COL6A2: variants seen among roughly 807,000 people sequenced by gnomAD.
COL6A2 encodes collagen alpha-2(VI) chain.
Under a neutral mutation model 124.9 loss-of-function variants are expected in COL6A2, and 90 were observed. The observed-to-expected ratio is 0.72, with a 90% CI of 0.61 to 0.86. COL6A2 has a LOEUF of 0.86. Ranked by LOEUF, COL6A2 falls within the 40% of genes least tolerant of loss-of-function variation. The pLI is 0.00. For synonymous variants in COL6A2, 793 were observed against 618.2 expected (o/e 1.28, Z -4.19); for missense variants, 1,607 against 1,502.5 (o/e 1.07, Z -1.15).
At chr21:46,121,011 G>C in intron 16 of COL6A2, 50 bp from the exon 17 acceptor site, 2 of 1,564,328 alleles carry the variant, frequency 1.3e-6, no homozygotes, top group South Asian at 1.1e-5. Context: ...GGGGACTCCA[G>C]GGTGCTGCTG....
At chr21:46,128,816 G>A (rs369311069) in intron 27 of COL6A2, 798 of 1,075,720 alleles carry the variant, frequency 7.4e-4, no homozygotes, top group Non-Finnish European at 9.6e-4. Flanking sequence ...TTTCTCAGGC[G>A]GGCTCTTGAG....
chr21:46,120,688 GTGGGT>G, intron 16 of COL6A2, 111 bp downstream of exon 16: 1 of 1,077,550 alleles, frequency 9.3e-7, no homozygotes, highest in Non-Finnish European at 1.3e-6. Context: ...GGGGACCCGG[GTGGGT>G]GCTGCACCCC....
At position 46,116,753 on chromosome 21, in the gene COL6A2, C is replaced by G. The variant is rs372393202; in HGVS notation, c.955-17C>G. 1.2e-6 allele frequency: 2 copies of G among 1,613,004 alleles called. No homozygotes were observed. Among genetic ancestry groups the G allele is most frequent in the Admixed American group, 3.3e-5 (2 of 60,008 alleles). On this transcript the variant is annotated splice_polypyrimidine_tract_variant and intron_variant, in intron 9 of 27. Transcript: ENST00000300527. The surrounding 1 kb of genome is among the most constrained non-coding windows in gnomAD (Gnocchi z 4.6). ...AGGACCGGGGCTAATGGAGTTCCCT[C>G]TTCCTTCTCTCTTCAGGGGGCCCCT...
intron 1 of COL6A2, among the ~76,000 whole-genome samples, chr21:46,100,642 A>T (rs1055016899): frequency 7.9e-5 from 12 of 151,872 alleles, no homozygotes; most frequent in African/African-American, 2.4e-4. Flanking sequence ...TATGAGTGAA[A>T]TCGTATGAAA....
Position 46,126,609 on chromosome 21 carries a change from G to A in COL6A2, c.2461+68G>A, listed in dbSNP as rs2078673778. 6 of 1,595,208 alleles carry A rather than the reference G, an allele frequency of 3.8e-6. No individual in the cohort carries two copies. In the South Asian group the frequency reaches 5.5e-5, roughly 15 times the overall value. On this transcript the variant is annotated intron_variant, in intron 27 of 27. Coordinates refer to ENST00000300527, the MANE Select transcript of COL6A2 (RefSeq NM_001849.4). ...CAGCCCTGGTGTCCTTCCTCCTCGA[G>A]GGCCGGGCTGGGGGAGGGGCCGTGC...
chr21:46,132,592 A>G lies in COL6A2; in HGVS notation c.*40A>G. The G allele has an allele frequency of 1.3e-6, 2 of 1,545,580 alleles. No individual in the cohort carries two copies. Among genetic ancestry groups the G allele is most frequent in the South Asian group, 1.2e-5 (1 of 86,092 alleles). On this transcript the variant is annotated 3_prime_UTR_variant, in exon 28 of 28. Coordinates refer to ENST00000300527, the MANE Select transcript of COL6A2 (RefSeq NM_001849.4). Reference sequence around the variant, plus strand: ...CCCCGCAGTCGAGGGTCGTGAGCCCACCCCGTCCATGGTGCTAAGCGGGCC... The same window carrying G: ...CCCCGCAGTCGAGGGTCGTGAGCCCGCCCCGTCCATGGTGCTAAGCGGGCC...
At chr21:46,113,874 C>T in intron 4 of COL6A2, 134 bp from the exon 5 acceptor site, 1 of 765,502 alleles carries the variant, frequency 1.3e-6, no homozygotes. Context: ...CTCACGCCCG[C>T]CCAGGTTCTC....
rs142479704 is a variant in COL6A2 at position 46,132,408 on chromosome 21, C to T, written c.2916C>T (p.Thr972=). Residue 972 remains threonine (T), a synonymous_variant, in exon 28 of 28, where the codon ACC becomes ACT. Transcript: ENST00000300527. ...HSMRKQNVVP[T]VLALGSDVDM... is the part of the protein sequence containing the mutation. Reference sequence around the variant, plus strand: ...TGCGCAAGCAGAACGTGGTACCCACCGTGCTGGCCTTGGGCAGCGACGTGG... The same window carrying T: ...TGCGCAAGCAGAACGTGGTACCCACTGTGCTGGCCTTGGGCAGCGACGTGG... 2.2e-5 allele frequency: 35 copies of T among 1,608,192 alleles called. 1 individual carries two copies. Among genetic ancestry groups the T allele is most frequent in the African/African-American group, 1.5e-4 (11 of 74,882 alleles).
intron 27 of COL6A2, among the ~76,000 whole-genome samples, chr21:46,128,393 C>T (rs978339408): frequency 1.3e-4 from 20 of 152,244 alleles, no homozygotes; most frequent in Non-Finnish European, 1.3e-4. Context: ...CCAGGAGATG[C>T]AGCAGGGACA....
intron 27 of COL6A2, among the ~76,000 whole-genome samples, chr21:46,131,025 G>A (rs1442060863): frequency 2.0e-5 from 3 of 152,236 alleles, no homozygotes; most frequent in Admixed American, 6.5e-5. Context: ...CCCAGAAACC[G>A]AGTTTCGGGT....
chr21:46,117,295 G>A lies in COL6A2; in HGVS notation c.1000-105G>A, dbSNP rs575104714. 86 of 1,147,508 alleles carry A rather than the reference G, an allele frequency of 7.5e-5. No homozygotes were observed. The African/African-American group carries it at 9.0e-4, about 12-fold the overall frequency. 71.1% of individuals were successfully genotyped at this position (1,147,508 alleles called of 1,614,324 possible). A position where few individuals can be genotyped will look rare whatever the true frequency, so the allele number is the denominator to read the frequency against. On this transcript the variant is annotated intron_variant, in intron 10 of 27. Transcript: ENST00000300527. ...GGCACCCGTGTGCCAGGAGGAGAGC[G>A]CTGCAGCCCTGCGGGGCAGAACCGG...
Position 46,122,421 on chromosome 21 carries a change from C to T in COL6A2, c.1573-75C>T. On this transcript the variant is annotated intron_variant, in intron 19 of 27. Transcript: ENST00000300527. Reference sequence around the variant, plus strand: ...TGAGCGAGGGAGGGAAACGGGGCTGCAGAAAGCTGCCCAGAGGGAGGAAGG... The same window carrying T: ...TGAGCGAGGGAGGGAAACGGGGCTGTAGAAAGCTGCCCAGAGGGAGGAAGG... The T allele has an allele frequency of 3.1e-6, 5 of 1,594,710 alleles. No individual in the cohort carries two copies. The South Asian group carries it at 3.3e-5, about 11-fold the overall frequency.
chr21:46,129,450 G>A (rs551878665), intron 27 of COL6A2: 2 of 1,602,924 alleles, frequency 1.2e-6, no homozygotes, highest in Admixed American at 1.7e-5. Context: ...GGTGCACAGG[G>A]ACATCGTGGG....
At chr21:46,098,504 C>T (rs1018152491) in intron 1 of COL6A2, among the ~76,000 whole-genome samples, 96 of 151,986 alleles carry the variant, frequency 6.3e-4, no homozygotes, top group African/African-American at 2.2e-3. Context: ...ACCCCCGCTC[C>T]CGAGACGACC....
chr21:46,130,893 T>C (rs966463992), intron 27 of COL6A2, among the ~76,000 whole-genome samples: 3 of 152,206 alleles, frequency 2.0e-5, no homozygotes, highest in African/African-American at 7.2e-5. Context: ...AGCTCGTGCG[T>C]GCTCAGACGG....
At chr21:46,106,787 CA>C (rs890669836) in intron 1 of COL6A2, among the ~76,000 whole-genome samples, 2 of 152,126 alleles carry the variant, frequency 1.3e-5, no homozygotes, top group Non-Finnish European at 2.9e-5. Flanking sequence ...GCACCAAAAC[CA>C]AAACTGTAAT....
At position 46,132,697 on chromosome 21, in the gene COL6A2, C is replaced by G; in HGVS notation, c.*145C>G. The G allele has an allele frequency of 1.2e-6, 1 of 831,876 alleles. No homozygotes were observed. The highest frequency in any genetic ancestry group is 1.9e-6 in the Non-Finnish European group (1 of 527,934). 51.5% of individuals were successfully genotyped at this position (831,876 alleles called of 1,614,324 possible). On this transcript the variant is annotated 3_prime_UTR_variant, in exon 28 of 28. Coordinates refer to ENST00000300527, the MANE Select transcript of COL6A2 (RefSeq NM_001849.4). ...CCTCTCCAGCTCCTCCCACGGGGTC[C>G]CCGTAGCCCCGGCCCCCGCCCAGCC...
At position 46,116,332 on chromosome 21, in the gene COL6A2, T is replaced by G. The variant is rs2123626987; in HGVS notation, c.901-45T>G. 1 of 1,609,084 alleles carries G rather than the reference T, an allele frequency of 6.2e-7. No individual in the cohort carries two copies. The highest frequency in any genetic ancestry group is 2.2e-5 in the East Asian group (1 of 44,788). On this transcript the variant is annotated intron_variant, in intron 7 of 27. Transcript: ENST00000300527. The surrounding 1 kb of genome is among the most constrained non-coding windows in gnomAD (Gnocchi z 4.6). Reference sequence around the variant, plus strand: ...GGGCTGGCCCTTCCCTGCCTGTGTCTCTGCAGAGCTCCTCACTAATGCCCC... The same window carrying G: ...GGGCTGGCCCTTCCCTGCCTGTGTCGCTGCAGAGCTCCTCACTAATGCCCC...
chr21:46,126,945 T>TGACA (rs969495504), intron 27 of COL6A2, among the ~76,000 whole-genome samples: 3 of 152,194 alleles, frequency 2.0e-5, no homozygotes, highest in African/African-American at 2.4e-5. Flanking sequence ...GTGGAAGCAC[T>TGACA]GACACCCCCC....
Sources: gnomAD v4.1 joint callset for allele counts (sites outside exome capture counted in the v4.1 genomes callset) on GRCh38, gnomAD v4.1.1 for gene constraint, Gnocchi (gnomAD v3.1) non-coding constraint, MANE v1.5 for transcripts, NCBI Gene and HGNC (gene_info 2026-07-23, HGNC 2026-07-21) for gene names.